NUP214: variants seen among roughly 807,000 people sequenced by gnomAD.
NUP214 encodes nuclear pore complex protein Nup214.
Under a neutral mutation model 196.2 loss-of-function variants are expected in NUP214, and 79 were observed. That is an observed-to-expected ratio of 0.40 (90% CI 0.34 to 0.49). The LOEUF (loss-of-function observed/expected upper bound fraction) is 0.49, where lower values mean the gene tolerates loss of function less well. NUP214 is among the 20% of genes least tolerant of loss of function. NUP214 has a pLI of 0.58. For missense variants in NUP214, 2,468 were observed against 2,539.0 expected (o/e 0.97, Z 0.60); for synonymous variants, 1,020 against 990.5 (o/e 1.03, Z -0.56).
intron 21 of NUP214, 174 bp downstream of exon 21, chr9:131,164,318 T>C (rs1832724994): frequency 1.6e-6 from 1 of 613,640 alleles, no homozygotes; most frequent in African/African-American, 1.8e-5. Flanking sequence ...CAGAATCTGT[T>C]GTTAATCTGA....
intron 26 of NUP214, chr9:131,190,683 G>A (rs550655147): frequency 5.9e-5 from 29 of 492,594 alleles, no homozygotes; most frequent in East Asian, 2.8e-4. Flanking sequence ...AGCCTATGGT[G>A]TAGAGATATA....
At chr9:131,231,417 T>TCC (rs1018828661) in intron 34 of NUP214, among the ~76,000 whole-genome samples, 3 of 152,052 alleles carry the variant, frequency 2.0e-5, no homozygotes, top group African/African-American at 7.2e-5. Flanking sequence ...GGTCTCCATC[T>TCC]CCTGACCTCA....
At chr9:131,168,622 T>C (rs1832855764) in intron 21 of NUP214, among the ~76,000 whole-genome samples, 1 of 152,226 alleles carries the variant, frequency 6.6e-6, no homozygotes, top group South Asian at 2.1e-4. Context: ...TTTAGGTTCT[T>C]TCACTTAGCA....
chr9:131,184,929 T>G (rs1000237409), intron 24 of NUP214, among the ~76,000 whole-genome samples: 2 of 152,260 alleles, frequency 1.3e-5, no homozygotes, highest in South Asian at 2.1e-4. Flanking sequence ...ATTTCTTTGT[T>G]TCTTCAGTTA....
intron 14 of NUP214, among the ~76,000 whole-genome samples, chr9:131,149,150 T>TCTC (rs61412210): frequency 0.28 from 42,825 of 151,720 alleles, 6,139 homozygotes; most frequent in South Asian, 0.42. Context: ...AACCAACCCT[T>TCTC]GTACCCTAAC....
chr9:131,213,556 T>C (rs1402287897), intron 30 of NUP214, among the ~76,000 whole-genome samples: 1 of 152,184 alleles, frequency 6.6e-6, no homozygotes, highest in Non-Finnish European at 1.5e-5. Flanking sequence ...ATACTGGCAA[T>C]TTTCTGTGTT....
At chr9:131,220,803 A>G (rs1834536480) in intron 31 of NUP214, among the ~76,000 whole-genome samples, 2 of 152,218 alleles carry the variant, frequency 1.3e-5, no homozygotes, top group African/African-American at 2.4e-5. Flanking sequence ...TGCTTGTTCC[A>G]CTATGATATG....
chr9:131,135,913 T>C (rs760419132), intron 8 of NUP214, 27 bp from the exon 9 acceptor site: 1 of 1,602,954 alleles, frequency 6.2e-7, no homozygotes, highest in South Asian at 1.1e-5. Flanking sequence ...TATTTGAACG[T>C]AATGGTCTCT....
intron 10 of NUP214, among the ~76,000 whole-genome samples, chr9:131,139,856 G>A (rs1010968140): frequency 2.0e-5 from 3 of 152,220 alleles, no homozygotes; most frequent in Admixed American, 6.5e-5. Context: ...ATAGGGCCTA[G>A]ATATGTGTTT....
chr9:131,146,268 G>C lies in NUP214; in HGVS notation c.1909G>C (p.Val637Leu). The change falls in exon 13 of 36, where the codon GTG (valine) becomes CTG (leucine). Residue 637 changes from valine to leucine, a missense_variant. Physicochemically the swap from Val to Leu is conservative, Grantham distance 32. Around this residue, in one of 5 missense-constraint regions of NUP214, gnomAD observed 1,801 missense variants for 1,779.4 expected, o/e 1.01. Transcript: ENST00000359428. This position sits in a 1 kb window ranked among gnomAD's most constrained non-coding sequence, Gnocchi z 4.6. The part of the protein sequence containing the change: ...PTPLSAPPSS[V>L]PLKSSVLPSP... ...ACCTCTCTCAGCACCACCTAGTTCC[G>C]TGCCATTGAAGTCCTCAGTCTTGCC... The C allele has an allele frequency of 6.2e-7, 1 of 1,614,084 alleles. No homozygotes were observed. The highest frequency in any genetic ancestry group is 1.7e-5 in the Admixed American group (1 of 60,008).
chr9:131,199,031 A>G lies in NUP214; in HGVS notation c.5521+16A>G. On this transcript the variant is annotated intron_variant, in intron 29 of 35. Coordinates refer to ENST00000359428, the MANE Select transcript of NUP214 (RefSeq NM_005085.4). Reference sequence around the variant, plus strand: ...CAAGCTTCAGGTAAGAATTTGTGGAAGCTTTTTACTTGTTTCCCTCTCTGC... The same window carrying G: ...CAAGCTTCAGGTAAGAATTTGTGGAGGCTTTTTACTTGTTTCCCTCTCTGC... The G allele has an allele frequency of 6.4e-7, 1 of 1,565,448 alleles. No individual in the cohort carries two copies. The highest frequency in any genetic ancestry group is 8.6e-7 in the Non-Finnish European group (1 of 1,156,306).
chr9:131,147,438 G>A, intron 13 of NUP214, 52 bp from the exon 14 acceptor site: 1 of 1,299,614 alleles, frequency 7.7e-7, no homozygotes, highest in Non-Finnish European at 1.1e-6. Context: ...TGTGATAGGA[G>A]AAATAAAGGT....
chr9:131,134,651 G>A (rs1831661512), intron 7 of NUP214, among the ~76,000 whole-genome samples: 1 of 152,064 alleles, frequency 6.6e-6, no homozygotes, highest in South Asian at 2.1e-4. Context: ...CTAAGTATCA[G>A]GAAGGTTGAA....
intron 24 of NUP214, 44 bp from the exon 25 acceptor site, chr9:131,187,245 C>T (rs1400065436): frequency 2.0e-6 from 3 of 1,533,508 alleles, no homozygotes; most frequent in South Asian, 2.2e-5. Context: ...TGATTTTTAC[C>T]TAGTCATGCC....
In NUP214 at chr9:131,223,723, A is replaced by ATTTATTTATTTATTTATTTAT. The variant is rs1554742606; in HGVS notation, c.5902+800_5902+801insATTTATTTATTTATTTTATTT. 3.2e-3 allele frequency among the ~76,000 whole-genome samples: 60 copies of ATTTATTTATTTATTTATTTAT among 18,956 alleles called. 2 individuals carry two copies. Among genetic ancestry groups the ATTTATTTATTTATTTATTTAT allele is most frequent in the African/African-American group, 7.5e-3 (58 of 7,780 alleles). 12.4% of individuals were successfully genotyped at this position (18,956 alleles called of 152,430 possible). A position where few individuals can be genotyped will look rare whatever the true frequency, so the allele number is the denominator to read the frequency against. On this transcript the variant is annotated intron_variant, in intron 32 of 35. Transcript: ENST00000359428. ...ACTTTTTTTTTATTTTTATTTATTT[A>ATTTATTTATTTATTTATTTAT]TTTATTTTTTTTTTTTTTTTTTTTT...
intron 9 of NUP214, chr9:131,136,932 C>T (rs187019228): frequency 5.0e-4 from 76 of 152,360 alleles, no homozygotes; most frequent in African/African-American, 1.8e-3. Context: ...CTCCTCCCCA[C>T]ATGGATACTT....
Position 131,232,860 on chromosome 9 carries a change from A to G in NUP214, c.6239+552A>G, listed in dbSNP as rs953447251. ...CCCATCTCTACTAAAAATTAAAAAA[A>G]TTAGCCGTGCATGCTGGCTTATGCC... On this transcript the variant is annotated intron_variant, in intron 35 of 35. Coordinates refer to ENST00000359428, the MANE Select transcript of NUP214 (RefSeq NM_005085.4). The surrounding 1 kb of genome is among the most constrained non-coding windows in gnomAD (Gnocchi z 5.1). 6.2e-6 allele frequency: 1 copy of G among 160,094 alleles called. No homozygotes were observed. The highest frequency in any genetic ancestry group is 1.4e-5 in the Non-Finnish European group (1 of 72,948). 9.9% of individuals were successfully genotyped at this position (160,094 alleles called of 1,614,324 possible).
chr9:131,198,725 C>A lies in NUP214; in HGVS notation c.5231C>A (p.Ser1744Tyr). 6.2e-7 allele frequency: 1 copy of A among 1,614,210 alleles called. No homozygotes were observed. Among genetic ancestry groups the A allele is most frequent in the South Asian group, 1.1e-5 (1 of 91,088 alleles). Residue 1744 changes from serine to tyrosine, a missense_variant, in exon 29 of 36, where the codon TCC becomes TAC. Physicochemically the swap from Ser to Tyr is moderately radical, Grantham distance 144. Transcript: ENST00000359428. ...GCGAGCAGTGCTGCAAGTGTCTTTT[C>A]CTTCAGTCAGCCTGGGTTCAGTTCC... ...QSASSAASVF[S>Y]FSQPGFSSVP... is the part of the protein sequence containing the mutation.
chr9:131,193,062 G>A (rs1833657269), intron 27 of NUP214, among the ~76,000 whole-genome samples: 1 of 151,692 alleles, frequency 6.6e-6, no homozygotes, highest in Admixed American at 6.6e-5. Context: ...TAGATGTGGA[G>A]GAATCTGTTT....
Sources: gnomAD v4.1 joint callset for allele counts (sites outside exome capture counted in the v4.1 genomes callset) on GRCh38, gnomAD v4.1.1 for gene constraint, gnomAD v4.1.1 regional missense constraint, Gnocchi (gnomAD v3.1) non-coding constraint, MANE v1.5 for transcripts, NCBI Gene and HGNC (gene_info 2026-07-23, HGNC 2026-07-21) for gene names.